DUSP16: variants seen among roughly 807,000 people sequenced by gnomAD.
DUSP16 encodes dual specificity protein phosphatase 16.
In DUSP16, 21 loss-of-function variants were observed where a neutral mutation model predicts 58.3. The observed-to-expected ratio is 0.36, with a 90% CI of 0.26 to 0.52. The LOEUF is 0.52. DUSP16 is among the 20% of genes least tolerant of loss of function. The pLI is 0.94. For missense variants in DUSP16, 726 were observed against 819.0 expected (o/e 0.89, Z 1.39); for synonymous variants, 320 against 323.8 (o/e 0.99, Z 0.12).
chr12:12,474,896 T>G lies in DUSP16; in HGVS notation c.*1937A>C, dbSNP rs1200536512. 6.6e-6 allele frequency: 1 copy of G among 152,224 alleles called. No homozygotes were observed. Among genetic ancestry groups the G allele is most frequent in the Non-Finnish European group, 1.5e-5 (1 of 68,050 alleles). The allele number at this position is 152,224 out of a possible 1,614,324, so 9.4% of individuals were successfully genotyped here. On this transcript the variant is annotated 3_prime_UTR_variant, in exon 7 of 7. Transcript: ENST00000298573. ...GAGAATGTCTGATTAAAGATTTCAA[T>G]GTATATCTAAAAACTAACTCAAATC... is the stretch of plus-strand genomic sequence containing the variant.
intron 3 of DUSP16, among the ~76,000 whole-genome samples, chr12:12,503,224 C>CTTTTT (rs34349090): frequency 5.2e-5 from 6 of 115,412 alleles, no homozygotes; most frequent in African/African-American, 1.3e-4. Flanking sequence ...CTGGTTATTG[C>CTTTTT]TTTTTTTTTT....
chr12:12,484,588 C>T (rs908686516), intron 5 of DUSP16, among the ~76,000 whole-genome samples: 1 of 152,050 alleles, frequency 6.6e-6, no homozygotes, highest in Admixed American at 6.6e-5. Flanking sequence ...CTGGAAGTGA[C>T]GTGCAATGGG....
At chr12:12,524,391 T>G (rs1276633367) in intron 1 of DUSP16, among the ~76,000 whole-genome samples, 2 of 152,198 alleles carry the variant, frequency 1.3e-5, no homozygotes, top group African/African-American at 4.8e-5. Flanking sequence ...TCTGTAGTGC[T>G]AAATGGGTGA....
Position 12,480,163 on chromosome 12 carries a change from ATTCT to A in DUSP16, c.815+56_815+59del. The stretch of plus-strand genomic sequence containing the variant: ...TTTAATTTGGTTACCCATCCTCATC[ATTCT>A]TTATGTTTCAGGTCAAATGAAAAGC... On this transcript the variant is annotated intron_variant, in intron 6 of 6. Coordinates refer to ENST00000298573, the MANE Select transcript of DUSP16 (RefSeq NM_030640.3). 10 of 1,591,042 alleles carry A rather than the reference ATTCT, an allele frequency of 6.3e-6. No individual in the cohort carries two copies. The South Asian group carries it at 1.1e-4, about 18-fold the overall frequency.
In DUSP16 at chr12:12,478,017, T is replaced by G; in HGVS notation, c.816-2A>C. 1 of 1,560,840 alleles carries G rather than the reference T, an allele frequency of 6.4e-7. No individual in the cohort carries two copies. Among genetic ancestry groups the G allele is most frequent in the Non-Finnish European group, 8.7e-7 (1 of 1,154,928 alleles). ...GTAGGTCTTTTTTCTTTCACAAATC[T>G]GCAGAGAGAGGAAAAAACAAAAACC... On this transcript the variant is annotated splice_acceptor_variant, in intron 6 of 6. Coordinates refer to ENST00000298573, the MANE Select transcript of DUSP16 (RefSeq NM_030640.3). LOFTEE classifies it high-confidence loss of function.
chr12:12,477,983 G>C lies in DUSP16; in HGVS notation c.848C>G (p.Pro283Arg). ...GAGTTGGCCCAGAAAATTGAAGTTT[G>C]GAGATATAGTAGGTCTTTTTTCTTT... is the stretch of plus-strand genomic sequence containing the variant. The part of the protein sequence containing the change: ...FVKEKRPTIS[P>R]NFNFLGQLLD... The change falls in exon 7 of 7, where the codon CCA becomes CGA. Residue 283 changes from proline to arginine, a missense_variant. Pro to Arg is a moderately radical substitution (Grantham distance 103). Transcript: ENST00000298573. This position sits in a 1 kb window ranked among gnomAD's most constrained non-coding sequence, Gnocchi z 4.1. The C allele has an allele frequency of 6.2e-7, 1 of 1,606,588 alleles. No individual in the cohort carries two copies. Among genetic ancestry groups the C allele is most frequent in the Non-Finnish European group, 8.5e-7 (1 of 1,175,712 alleles).
chr12:12,508,454 T>C (rs1944029190), intron 3 of DUSP16, among the ~76,000 whole-genome samples: 1 of 152,104 alleles, frequency 6.6e-6, no homozygotes, highest in Non-Finnish European at 1.5e-5. Context: ...AAATTACTCC[T>C]AGGAAGGTAG....
Position 12,477,320 on chromosome 12 carries a change from T to G in DUSP16, c.1511A>C (p.His504Pro). Residue 504 changes from histidine to proline, a missense_variant, in exon 7 of 7, where the codon CAT (histidine) becomes CCT (proline). Transcript: ENST00000298573. The surrounding 1 kb of genome is among the most constrained non-coding windows in gnomAD (Gnocchi z 4.1). Reference sequence around the variant, plus strand: ...ATTGTCCTCCACGCTCCCACTTCGATGCAGTGGAGATAAAAGGGACCTCTG... The same window carrying G: ...ATTGTCCTCCACGCTCCCACTTCGAGGCAGTGGAGATAAAAGGGACCTCTG... The part of the protein sequence containing the change: ...TAQRSLLSPL[H>P]RSGSVEDNYH... 6.2e-7 allele frequency: 1 copy of G among 1,614,240 alleles called. No homozygotes were observed. The highest frequency in any genetic ancestry group is 8.5e-7 in the Non-Finnish European group (1 of 1,180,046).
chr12:12,505,797 C>G (rs1943986548), intron 3 of DUSP16, among the ~76,000 whole-genome samples: 1 of 152,186 alleles, frequency 6.6e-6, no homozygotes. Flanking sequence ...AACAAAACAA[C>G]ACTACACTGT....
chr12:12,522,111 GAT>G (rs1203265641), intron 1 of DUSP16, among the ~76,000 whole-genome samples: 4 of 152,316 alleles, frequency 2.6e-5, no homozygotes, highest in African/African-American at 9.6e-5. Flanking sequence ...AAAAACAACT[GAT>G]ATGTTTGTCA....
intron 3 of DUSP16, among the ~76,000 whole-genome samples, chr12:12,516,119 T>TA (rs1944149030): frequency 6.6e-6 from 1 of 151,392 alleles, no homozygotes; most frequent in Admixed American, 6.6e-5. Context: ...GTTTTTTTTT[T>TA]AAGATGAGAT....
At chr12:12,486,948 A>G in intron 5 of DUSP16, 80 bp downstream of exon 5, 1 of 1,535,174 alleles carries the variant, frequency 6.5e-7, no homozygotes, top group Non-Finnish European at 8.9e-7. Context: ...TTCTCTAAAG[A>G]AAAAATGGGG....
intron 3 of DUSP16, among the ~76,000 whole-genome samples, chr12:12,516,953 T>C (rs2136228859): frequency 6.6e-6 from 1 of 152,362 alleles, no homozygotes; most frequent in East Asian, 1.9e-4. Flanking sequence ...TCCCACTTCC[T>C]TCTCCTTCAG....
At chr12:12,536,529 G>A (rs916373921) in intron 1 of DUSP16, among the ~76,000 whole-genome samples, 1 of 152,180 alleles carries the variant, frequency 6.6e-6, no homozygotes, top group Non-Finnish European at 1.5e-5. Context: ...TGGATCACCT[G>A]AAGTTAGGAG....
chr12:12,557,455 C>CAA (rs556746921), intron 1 of DUSP16, among the ~76,000 whole-genome samples: 17 of 57,390 alleles, frequency 3.0e-4, no homozygotes, highest in Non-Finnish European at 2.9e-4. Context: ...GACTCCGTCT[C>CAA]AAAAAAAAAA....
chr12:12,525,003 T>C (rs910361581), intron 1 of DUSP16, among the ~76,000 whole-genome samples: 1 of 152,182 alleles, frequency 6.6e-6, no homozygotes, highest in Non-Finnish European at 1.5e-5. Context: ...CCCTGCCCTC[T>C]AACTGGTAAC....
intron 3 of DUSP16, among the ~76,000 whole-genome samples, chr12:12,504,815 T>C (rs1316890403): frequency 6.6e-6 from 1 of 151,830 alleles, no homozygotes; most frequent in African/African-American, 2.4e-5. Context: ...AGGTTGATGA[T>C]GCAGTGAGCT....
At chr12:12,488,893 A>G (rs1943722748) in intron 4 of DUSP16, among the ~76,000 whole-genome samples, 1 of 152,186 alleles carries the variant, frequency 6.6e-6, no homozygotes, top group Non-Finnish European at 1.5e-5. Flanking sequence ...CAGCCTGACC[A>G]ACATGGAGAA....
chr12:12,484,858 C>A (rs1461249973), intron 5 of DUSP16, among the ~76,000 whole-genome samples: 4 of 152,072 alleles, frequency 2.6e-5, no homozygotes, highest in African/African-American at 4.8e-5. Flanking sequence ...GTGATCCCCC[C>A]ATCTCGGCCT....
Sources: allele counts gnomAD v4.1 joint callset (sites outside exome capture counted in the v4.1 genomes callset), GRCh38; gene constraint gnomAD v4.1.1; non-coding constraint Gnocchi (gnomAD v3.1); transcripts MANE v1.5; gene names NCBI Gene and HGNC (gene_info 2026-07-23, HGNC 2026-07-21).